Variants in PARD3B observed in about 807,000 individuals in gnomAD.
PARD3B encodes partitioning defective 3 homolog B.
In PARD3B, 103 loss-of-function variants were observed where a neutral mutation model predicts 130.2. That is an observed-to-expected ratio of 0.79 (90% CI 0.67 to 0.93). PARD3B has a LOEUF of 0.93. Ranked by LOEUF, PARD3B falls within the 40% of genes least tolerant of loss-of-function variation. The pLI is 0.00. For synonymous variants in PARD3B, 583 were observed against 553.2 expected, an observed-to-expected ratio of 1.05 and a Z score of -0.76; for missense variants, 1,609 against 1,499.2, an observed-to-expected ratio of 1.07 and a Z score of -1.21.
chr2:205,500,112 C>G, intron 21 of PARD3B, 81 bp downstream of exon 21: 1 of 1,444,116 alleles, frequency 6.9e-7, no homozygotes, highest in South Asian at 1.3e-5. Flanking sequence ...CAAGAATGTT[C>G]TGTACATACC....
At chr2:204,788,878 GTATAT>G (rs1484337136) in intron 2 of PARD3B, among the ~76,000 whole-genome samples, 3 of 152,120 alleles carry the variant, frequency 2.0e-5, no homozygotes, top group African/African-American at 4.8e-5. Flanking sequence ...ACAACATTAT[GTATAT>G]TATATTGTAT....
rs542727720 is a variant in PARD3B, at chr2:204,996,161, G to T, written c.394+30838G>T. Among the ~76,000 whole-genome samples, 267 of 101,868 alleles carry T rather than the reference G, an allele frequency of 2.6e-3. 1 individual carries two copies. Among genetic ancestry groups the T allele is most frequent in the African/African-American group, 9.8e-3 (233 of 23,858 alleles). 66.8% of individuals were successfully genotyped at this position (101,868 alleles called of 152,430 possible). ...CTTTGGAGGAGGAGAGGCGCTCTGC[G>T]TTTTAGAGTTTCCAGTTTTTCTGTT... On this transcript the variant is annotated intron_variant, in intron 3 of 22. Coordinates refer to ENST00000406610, the MANE Select transcript of PARD3B (RefSeq NM_001302769.2).
At chr2:205,382,233 CT>C (rs2045479096) in intron 18 of PARD3B, among the ~76,000 whole-genome samples, 1 of 151,950 alleles carries the variant, frequency 6.6e-6, no homozygotes. Flanking sequence ...CAGTTCTTCC[CT>C]TTTTCCTTAT....
At chr2:205,137,218 G>A (rs2032560300) in intron 10 of PARD3B, among the ~76,000 whole-genome samples, 1 of 152,094 alleles carries the variant, frequency 6.6e-6, no homozygotes, top group South Asian at 2.1e-4. Flanking sequence ...AAAAGTCAAA[G>A]GACTTTAAAA....
At chr2:204,625,725 A>G (rs1158866825) in intron 1 of PARD3B, among the ~76,000 whole-genome samples, 2 of 152,162 alleles carry the variant, frequency 1.3e-5, no homozygotes, top group African/African-American at 4.8e-5. Flanking sequence ...TTTTCGAACA[A>G]GTTATTTAGG....
chr2:205,106,449 A>G (rs1703218987), intron 5 of PARD3B, among the ~76,000 whole-genome samples: 1 of 151,922 alleles, frequency 6.6e-6, no homozygotes, highest in Admixed American at 6.6e-5. Flanking sequence ...ACGCCCGGCC[A>G]AAAACATATA....
intron 19 of PARD3B, among the ~76,000 whole-genome samples, chr2:205,422,164 G>A (rs996613461): frequency 1.5e-4 from 23 of 152,298 alleles, no homozygotes; most frequent in Admixed American, 1.3e-3. Context: ...CAATCTCAGC[G>A]ATGAGCCAGT....
chr2:205,445,154 C>A (rs2047861622), intron 20 of PARD3B, among the ~76,000 whole-genome samples: 1 of 152,004 alleles, frequency 6.6e-6, no homozygotes, highest in Non-Finnish European at 1.5e-5. Context: ...GAAACTGGGG[C>A]CCAGAGAAGA....
Position 205,291,494 on chromosome 2 carries a change from G to A in PARD3B, c.2186-9036G>A, listed in dbSNP as rs888325436. On this transcript the variant is annotated intron_variant, in intron 16 of 22. Coordinates refer to ENST00000406610, the MANE Select transcript of PARD3B (RefSeq NM_001302769.2). The surrounding 1 kb of genome is among the most constrained non-coding windows in gnomAD (Gnocchi z 4.6). The stretch of plus-strand genomic sequence containing the variant: ...AAGTAGCAAAGAACTTTGCTGAAGT[G>A]TGTTGTTCTGGTGTATTATGGAAGG... Among the ~76,000 whole-genome samples, 4 of 152,234 alleles carry A rather than the reference G, an allele frequency of 2.6e-5. No homozygotes were observed. Among genetic ancestry groups the A allele is most frequent in the Non-Finnish European group, 4.4e-5 (3 of 68,028 alleles).
intron 20 of PARD3B, among the ~76,000 whole-genome samples, chr2:205,475,392 T>A (rs868821280): frequency 6.6e-6 from 1 of 152,306 alleles, no homozygotes; most frequent in African/African-American, 2.4e-5. Flanking sequence ...CACACCTTAT[T>A]TGCTATTGTC....
intron 1 of PARD3B, among the ~76,000 whole-genome samples, chr2:204,617,578 T>C (rs2034157026): frequency 6.6e-6 from 1 of 152,108 alleles, no homozygotes; most frequent in South Asian, 2.1e-4. Context: ...ACTTTTAGTT[T>C]AGGTTCAAGG....
rs998720317 is a variant in PARD3B, at chr2:205,590,779, CAAG to C, written c.3261-24673_3261-24671del. 2.0e-5 allele frequency among the ~76,000 whole-genome samples: 3 copies of C among 152,160 alleles called. No homozygotes were observed. The highest frequency in any genetic ancestry group is 6.5e-5 in the Admixed American group (1 of 15,268). ...AGTAGAAGCTGTTGCCACATATTCA[CAAG>C]AAGTAGGATGAGTACCAAATCCCTA... On this transcript the variant is annotated intron_variant, in intron 22 of 22. Coordinates refer to ENST00000406610, the MANE Select transcript of PARD3B (RefSeq NM_001302769.2). This position sits in a 1 kb window ranked among gnomAD's most constrained non-coding sequence, Gnocchi z 4.1.
intron 15 of PARD3B, among the ~76,000 whole-genome samples, chr2:205,215,039 C>T (rs1297595150): frequency 6.6e-6 from 1 of 152,008 alleles, no homozygotes; most frequent in Non-Finnish European, 1.5e-5. Context: ...AATATCATAT[C>T]TGTAAAAGAA....
intron 3 of PARD3B, among the ~76,000 whole-genome samples, chr2:205,005,334 G>A (rs977459951): frequency 6.6e-6 from 1 of 152,094 alleles, no homozygotes; most frequent in Admixed American, 6.5e-5. Flanking sequence ...GAAGGTGGTT[G>A]GTATGAAAGA....
intron 2 of PARD3B, among the ~76,000 whole-genome samples, chr2:204,919,821 AAC>A (rs1262941711): frequency 1.3e-5 from 2 of 152,170 alleles, no homozygotes; most frequent in African/African-American, 4.8e-5. Flanking sequence ...TATTTCTAGA[AAC>A]ACTGTGTATA....
intron 15 of PARD3B, among the ~76,000 whole-genome samples, chr2:205,242,726 C>T (rs1012420758): frequency 6.6e-5 from 10 of 152,208 alleles, no homozygotes; most frequent in African/African-American, 2.4e-4. Context: ...ACCACTCTCA[C>T]AACTTCCATT....
In PARD3B at chr2:205,176,477, A is replaced by G; in HGVS notation, c.1824A>G (p.Pro608=). 6.2e-7 allele frequency: 1 copy of G among 1,611,738 alleles called. No homozygotes were observed. Among genetic ancestry groups the G allele is most frequent in the Non-Finnish European group, 8.5e-7 (1 of 1,178,886 alleles). Residue 608 remains proline (P), a synonymous_variant, in exon 13 of 23, where the codon CCA becomes CCG. Coordinates refer to ENST00000406610, the MANE Select transcript of PARD3B (RefSeq NM_001302769.2). The surrounding 1 kb of genome is among the most constrained non-coding windows in gnomAD (Gnocchi z 5.3). ...DPAECGAFSK[P]CFENCQNAVT... ...CAGAGTGTGGGGCATTTTCCAAGCC[A>G]TGCTTTGAGAACTGTCAAAATGCTG... is the stretch of plus-strand genomic sequence containing the variant.
intron 2 of PARD3B, among the ~76,000 whole-genome samples, chr2:204,917,604 G>C (rs2047496570): frequency 6.6e-6 from 1 of 152,156 alleles, no homozygotes; most frequent in South Asian, 2.1e-4. Flanking sequence ...TAGAGATCTG[G>C]ACTGAGATGT....
chr2:204,728,549 A>G (rs2039342492), intron 2 of PARD3B, among the ~76,000 whole-genome samples: 1 of 152,166 alleles, frequency 6.6e-6, no homozygotes, highest in Non-Finnish European at 1.5e-5. Context: ...TGATCCTATA[A>G]TGGATTCATT....
Sources: gnomAD v4.1 joint callset for allele counts (sites outside exome capture counted in the v4.1 genomes callset) on GRCh38, gnomAD v4.1.1 for gene constraint, Gnocchi (gnomAD v3.1) non-coding constraint, MANE v1.5 for transcripts, NCBI Gene and HGNC (gene_info 2026-07-23, HGNC 2026-07-21) for gene names.